NCR3: variants seen among roughly 807,000 people sequenced by gnomAD.
The protein encoded by NCR3 is NK-p30.
A neutral mutation model predicts 16.1 loss-of-function variants in NCR3; 13 were observed. That is an observed-to-expected ratio of 0.81 (90% confidence interval 0.53 to 1.28). The LOEUF is 1.28. NCR3 is among the 50% of genes most tolerant of loss of function. The pLI is 0.00. For missense variants in NCR3, 202 were observed against 256.8 expected (o/e 0.79, Z 1.46); for synonymous variants, 98 against 106.6 (o/e 0.92, Z 0.50).
intron 1 of NCR3, among the ~76,000 whole-genome samples, chr6:31,590,767 A>G (rs928399378): frequency 5.9e-5 from 9 of 152,206 alleles, no homozygotes; most frequent in African/African-American, 2.4e-5. Context: ...CTAGTTAACT[A>G]ATATCACTCA....
At position 31,589,879 on chromosome 6, in the gene NCR3, G is replaced by A. The variant is rs775118470; in HGVS notation, c.291C>T (p.Asp97=). 32 of 1,613,074 alleles carry A rather than the reference G, an allele frequency of 2.0e-5. No homozygotes were observed. The highest frequency in any genetic ancestry group is 4.0e-5 in the African/African-American group (3 of 74,944). The change falls in exon 2 of 4, where the codon GAC becomes GAT. Residue 97 remains aspartate, a synonymous_variant. Coordinates refer to ENST00000340027, the MANE Select transcript of NCR3 (RefSeq NM_147130.3). This position sits in a 1 kb window ranked among gnomAD's most constrained non-coding sequence, Gnocchi z 4.8. ...AGATGCTGGCGTCATGGCCTCGCACGTCCCGGATGTGCAGCTCAGCCTGGT... is the reference window on the plus strand; with the variant it reads ...AGATGCTGGCGTCATGGCCTCGCACATCCCGGATGTGCAGCTCAGCCTGGT... ...HDHQAELHIR[D]VRGHDASIYV... is the part of the protein sequence containing the mutation.
chr6:31,589,883 C>G lies in NCR3; in HGVS notation c.287G>C (p.Arg96Pro). ...GCTGGCGTCATGGCCTCGCACGTCC[C>G]GGATGTGCAGCTCAGCCTGGTGGTC... ...LHDHQAELHI[R>P]DVRGHDASIY... The change falls in exon 2 of 4, where the codon CGG becomes CCG. Residue 96 changes from arginine to proline, a missense_variant. Transcript: ENST00000340027. The surrounding 1 kb of genome is among the most constrained non-coding windows in gnomAD (Gnocchi z 4.8). 2 of 1,613,198 alleles carry G rather than the reference C, an allele frequency of 1.2e-6. No homozygotes were observed. The highest frequency in any genetic ancestry group is 4.5e-5 in the East Asian group (2 of 44,884).
In NCR3 at chr6:31,589,546, G is replaced by A. The variant is rs747372457; in HGVS notation, c.476C>T (p.Thr159Ile). 1 of 1,614,062 alleles carries A rather than the reference G, an allele frequency of 6.2e-7. No individual in the cohort carries two copies. Among genetic ancestry groups the A allele is most frequent in the Non-Finnish European group, 8.5e-7 (1 of 1,180,032 alleles). ...VSFLSVAVGS[T>I]VYYQGKCLTW... Reference sequence around the variant, plus strand: ...CTCACATTTGCCCTGGTAATAGACGGTGCTGCCCACGGCCACAGAGAGAAA... The same window carrying A: ...CTCACATTTGCCCTGGTAATAGACGATGCTGCCCACGGCCACAGAGAGAAA... The change falls in exon 3 of 4, where the codon ACC (threonine) becomes ATC (isoleucine). Residue 159 changes from threonine to isoleucine, a missense_variant. Physicochemically the swap from Thr to Ile is moderately conservative, Grantham distance 89 (BLOSUM62 -1). Coordinates refer to ENST00000340027, the MANE Select transcript of NCR3 (RefSeq NM_147130.3). The surrounding 1 kb of genome is among the most constrained non-coding windows in gnomAD (Gnocchi z 4.8).
chr6:31,589,126 G>A lies in NCR3; in HGVS notation c.547C>T (p.Pro183Ser). ...RRQLPAVVPAPLPPPCGSSAH... is the reference protein window; with the variant it reads ...RRQLPAVVPASLPPPCGSSAH... ...GAGCTCCCACATGGTGGTGGGAGGGGCGCTGGGACCACAGCCGGCAGCTGC... is the reference window on the plus strand; with the variant it reads ...GAGCTCCCACATGGTGGTGGGAGGGACGCTGGGACCACAGCCGGCAGCTGC... Residue 183 changes from proline (P) to serine (S), a missense_variant, in exon 4 of 4, where the codon CCC (proline) becomes TCC (serine). By Grantham distance (74) the Pro-to-Ser change is moderately conservative. Transcript: ENST00000340027. This position sits in a 1 kb window ranked among gnomAD's most constrained non-coding sequence, Gnocchi z 4.8. 1 of 1,613,180 alleles carries A rather than the reference G, an allele frequency of 6.2e-7. No homozygotes were observed. Among genetic ancestry groups the A allele is most frequent in the Non-Finnish European group, 8.5e-7 (1 of 1,179,430 alleles).
At chr6:31,591,751 G>A (rs1406885604) in intron 1 of NCR3, among the ~76,000 whole-genome samples, 4 of 152,156 alleles carry the variant, frequency 2.6e-5, no homozygotes, top group African/African-American at 9.7e-5. Flanking sequence ...AGGAGGTGGA[G>A]GCTGCAGTGA....
intron 1 of NCR3, among the ~76,000 whole-genome samples, chr6:31,591,629 A>G (rs1772637921): frequency 2.0e-5 from 3 of 152,182 alleles, no homozygotes; most frequent in Admixed American, 1.3e-4. Context: ...CAGCCTGGCC[A>G]ACATGGTGAA....
Position 31,590,011 on chromosome 6 carries a change from G to A in NCR3, c.159C>T (p.Val53=). ...ASQGRLAIGS[V]TWFRDEVVPG... ...GAACCACCTCATCTCGGAACCACGTGACGGAGCCAATGGCCAGTCTCCCTT... is the reference window on the plus strand; with the variant it reads ...GAACCACCTCATCTCGGAACCACGTAACGGAGCCAATGGCCAGTCTCCCTT... Residue 53 remains valine (V), a synonymous_variant, in exon 2 of 4, where the codon GTC becomes GTT. Transcript: ENST00000340027. The A allele has an allele frequency of 6.2e-7, 1 of 1,613,076 alleles. No individual in the cohort carries two copies. Among genetic ancestry groups the A allele is most frequent in the Non-Finnish European group, 8.5e-7 (1 of 1,180,022 alleles).
chr6:31,589,299 C>CTT lies in NCR3; in HGVS notation c.497-125_497-124dup. On this transcript the variant is annotated intron_variant, in intron 3 of 3. Coordinates refer to ENST00000340027, the MANE Select transcript of NCR3 (RefSeq NM_147130.3). This position sits in a 1 kb window ranked among gnomAD's most constrained non-coding sequence, Gnocchi z 4.8. Reference sequence around the variant, plus strand: ...AGTGGTGGGGCAGATTTATTGGGGTCTTTTGAAGAGGACTAGGGACATCTG... The same window carrying CTT: ...AGTGGTGGGGCAGATTTATTGGGGTCTTTTTTGAAGAGGACTAGGGACATCTG... 6.4e-7 allele frequency: 1 copy of CTT among 1,552,402 alleles called. No individual in the cohort carries two copies. Among genetic ancestry groups the CTT allele is most frequent in the Non-Finnish European group, 8.7e-7 (1 of 1,147,208 alleles).
chr6:31,590,367 C>T (rs1042809913), intron 1 of NCR3, among the ~76,000 whole-genome samples: 2 of 152,016 alleles, frequency 1.3e-5, no homozygotes, highest in Non-Finnish European at 2.9e-5. Flanking sequence ...TTTGGGAGGC[C>T]GAGGTGGGCG....
Position 31,589,649 on chromosome 6 carries a change from G to C in NCR3, c.389-16C>G. ...TGAGGATGTTCTGCATGGGGCAATG[G>C]AGACGGGGGTTGGGGAAGAAGTGCA... On this transcript the variant is annotated splice_polypyrimidine_tract_variant and intron_variant, in intron 2 of 3. Transcript: ENST00000340027. The surrounding 1 kb of genome is among the most constrained non-coding windows in gnomAD (Gnocchi z 4.8). The C allele has an allele frequency of 1.9e-6, 3 of 1,612,932 alleles. No individual in the cohort carries two copies. The highest frequency in any genetic ancestry group is 2.5e-6 in the Non-Finnish European group (3 of 1,179,638).
rs1426428626 is a variant in NCR3, at chr6:31,589,502, A to G, written c.496+24T>C. On this transcript the variant is annotated intron_variant, in intron 3 of 3. Transcript: ENST00000340027. This position sits in a 1 kb window ranked among gnomAD's most constrained non-coding sequence, Gnocchi z 4.8. ...TACTGCCCCTCCCATCCCGTCCACT[A>G]TTGCCCCTGGCTCCATTACTCACAT... The G allele has an allele frequency of 5.6e-6, 9 of 1,612,726 alleles. No homozygotes were observed. The highest frequency in any genetic ancestry group is 1.1e-5 in the South Asian group (1 of 91,002).
chr6:31,590,180 A>G, intron 1 of NCR3, 54 bp from the exon 2 acceptor site: 1 of 1,486,822 alleles, frequency 6.7e-7, no homozygotes, highest in Non-Finnish European at 9.1e-7. Context: ...TCCAAAGAGA[A>G]AAGACAACAG....
At chr6:31,591,897 C>G (rs1031286849) in intron 1 of NCR3, among the ~76,000 whole-genome samples, 1 of 152,170 alleles carries the variant, frequency 6.6e-6, no homozygotes, top group Non-Finnish European at 1.5e-5. Context: ...AGGCAGATCA[C>G]TTGAGATCAG....
chr6:31,592,023 G>A (rs1227386274), intron 1 of NCR3, among the ~76,000 whole-genome samples: 1 of 152,092 alleles, frequency 6.6e-6, no homozygotes, highest in African/African-American at 2.4e-5. Context: ...GCCGAGGCAG[G>A]CAGATCACCT....
At position 31,589,966 on chromosome 6, in the gene NCR3, A is replaced by G. The variant is rs1177974992; in HGVS notation, c.204T>C (p.Asn68=). The G allele has an allele frequency of 6.2e-7, 1 of 1,613,062 alleles. No individual in the cohort carries two copies. Among genetic ancestry groups the G allele is most frequent in the Admixed American group, 1.7e-5 (1 of 60,010 alleles). ...DEVVPGKEVR[N]GTPEFRGRLA... The stretch of plus-strand genomic sequence containing the variant: ...GGCGGCCCCTGAACTCTGGGGTTCC[A>G]TTCCTCACCTCCTTCCCTGGAACCA... Residue 68 remains asparagine (N), a synonymous_variant, in exon 2 of 4, where the codon AAT becomes AAC. Coordinates refer to ENST00000340027, the MANE Select transcript of NCR3 (RefSeq NM_147130.3). This position sits in a 1 kb window ranked among gnomAD's most constrained non-coding sequence, Gnocchi z 4.8.
At position 31,589,605 on chromosome 6, in the gene NCR3, G is replaced by A. The variant is rs778475484; in HGVS notation, c.417C>T (p.Val139=). ...CATAGAATCCAGCCCGAAGGAGGAG[G>A]ACTGTACCAGCCCCTAGCTGAGGAT... ...KEHPQLGAGT[V]LLLRAGFYAV... The change falls in exon 3 of 4, where the codon GTC becomes GTT. Residue 139 remains valine (V), a synonymous_variant. Transcript: ENST00000340027. The surrounding 1 kb of genome is among the most constrained non-coding windows in gnomAD (Gnocchi z 4.8). The A allele has an allele frequency of 8.7e-6, 14 of 1,613,690 alleles. No individual in the cohort carries two copies. In the East Asian group the frequency reaches 2.7e-4, roughly 31 times the overall value.
Position 31,589,158 on chromosome 6 carries a change from G to T in NCR3, c.515C>A (p.Pro172Gln). The T allele has an allele frequency of 6.2e-7, 1 of 1,614,046 alleles. No homozygotes were observed. Among genetic ancestry groups the T allele is most frequent in the South Asian group, 1.1e-5 (1 of 91,040 alleles). The change falls in exon 4 of 4, where the codon CCA (proline) becomes CAA (glutamine). Residue 172 changes from proline to glutamine, a missense_variant. By Grantham distance (76) the Pro-to-Gln change is moderately conservative (BLOSUM62 -1). Coordinates refer to ENST00000340027, the MANE Select transcript of NCR3 (RefSeq NM_147130.3). This position sits in a 1 kb window ranked among gnomAD's most constrained non-coding sequence, Gnocchi z 4.8. ...YQGKCLTWKG[P>Q]RRQLPAVVPA... ...GACCACAGCCGGCAGCTGCCTTCTT[G>T]GACCTTTCCAGGTCAGACCTGGTGG...
chr6:31,592,279 C>T (rs1432862857), intron 1 of NCR3, among the ~76,000 whole-genome samples: 1 of 146,942 alleles, frequency 6.8e-6, no homozygotes, highest in Non-Finnish European at 1.5e-5. Flanking sequence ...CAGGTGTGGT[C>T]GTGCGTGCGT....
intron 1 of NCR3, 22 bp from the exon 2 acceptor site, chr6:31,590,148 A>G: frequency 1.9e-6 from 3 of 1,577,030 alleles, no homozygotes; most frequent in Non-Finnish European, 2.6e-6. Flanking sequence ...AGGAAGACCC[A>G]GAGAAACACC....
Sources: allele counts gnomAD v4.1 joint callset (sites outside exome capture counted in the v4.1 genomes callset), GRCh38; gene constraint gnomAD v4.1.1; non-coding constraint Gnocchi (gnomAD v3.1); transcripts MANE v1.5; gene names NCBI Gene and HGNC (gene_info 2026-07-23, HGNC 2026-07-21).